KIF26B: variants seen among roughly 807,000 people sequenced by gnomAD.
KIF26B encodes the protein kinesin family member 26B.
In KIF26B, 63 loss-of-function variants were observed where a neutral mutation model predicts 151.2. That is an observed-to-expected ratio of 0.42 (90% CI 0.34 to 0.51). The LOEUF (loss-of-function observed/expected upper bound fraction) is 0.51, where lower values mean the gene tolerates loss of function less well. KIF26B is among the 20% of genes least tolerant of loss of function. KIF26B has a pLI of 0.07. For synonymous variants in KIF26B, 1,357 were observed against 1,262.1 expected, an observed-to-expected ratio of 1.08 and a Z score of -1.59; for missense variants, 2,813 against 2,913.6, an observed-to-expected ratio of 0.97 and a Z score of 0.79.
Position 245,293,405 on chromosome 1 carries a change from C to G in KIF26B, c.466-73429C>G, listed in dbSNP as rs117872029. 2.4e-3 allele frequency among the ~76,000 whole-genome samples: 370 copies of G among 152,034 alleles called. 5 individuals are homozygous for G. The East Asian group carries it at 0.048, about 20-fold the overall frequency. ...TCAGGTATGGGGAACAAATGACCAGCGTGGACTCTGCTCCTGACACAAATG... is the reference window on the plus strand; with the variant it reads ...TCAGGTATGGGGAACAAATGACCAGGGTGGACTCTGCTCCTGACACAAATG... On this transcript the variant is annotated intron_variant, in intron 2 of 14. Transcript: ENST00000407071.
intron 2 of KIF26B, among the ~76,000 whole-genome samples, chr1:245,322,550 A>C (rs1671910425): frequency 1.3e-5 from 2 of 152,220 alleles, no homozygotes; most frequent in Admixed American, 1.3e-4. Context: ...GGTTGATGGA[A>C]GAGACAGTAC....
Position 245,161,101 on chromosome 1 carries a change from GTCTT to G in KIF26B, c.465+4422_465+4425del, listed in dbSNP as rs1668523783. On this transcript the variant is annotated intron_variant, in intron 2 of 14. Coordinates refer to ENST00000407071, the MANE Select transcript of KIF26B (RefSeq NM_018012.4). ...GCTATTTTCAAAAAGCTTCATTTGAGTCTTTCTCATATCAGAAGTATTTTAGATA... is the reference window on the plus strand; with the variant it reads ...GCTATTTTCAAAAAGCTTCATTTGAGTCTCATATCAGAAGTATTTTAGATA... Among the ~76,000 whole-genome samples the G allele has an allele frequency of 3.3e-5, 5 of 152,274 alleles. No homozygotes were observed. In the South Asian group the frequency reaches 1.0e-3, roughly 32 times the overall value.
intron 4 of KIF26B, among the ~76,000 whole-genome samples, chr1:245,523,662 A>G (rs189824792): frequency 5.3e-5 from 8 of 152,314 alleles, no homozygotes; most frequent in African/African-American, 1.9e-4. Flanking sequence ...TCCTTTTTTA[A>G]GGGCACTAAT....
intron 2 of KIF26B, among the ~76,000 whole-genome samples, chr1:245,362,062 G>A (rs1323788871): frequency 1.3e-5 from 2 of 151,632 alleles, no homozygotes; most frequent in African/African-American, 2.4e-5. Context: ...CTGACCTTTC[G>A]CCATCAGCAA....
intron 10 of KIF26B, 89 bp downstream of exon 10, chr1:245,646,369 A>G: frequency 7.1e-7 from 1 of 1,409,710 alleles, no homozygotes; most frequent in Non-Finnish European, 9.7e-7. Flanking sequence ...GGTGTGCCAC[A>G]GAGGGACAGC....
intron 3 of KIF26B, among the ~76,000 whole-genome samples, chr1:245,374,121 A>G (rs1483096597): frequency 2.1e-5 from 2 of 95,138 alleles, no homozygotes; most frequent in Non-Finnish European, 4.2e-5. Context: ...ATATATATAT[A>G]TATATATATA....
chr1:245,309,347 C>G (rs146496884), intron 2 of KIF26B, among the ~76,000 whole-genome samples: 4 of 152,114 alleles, frequency 2.6e-5, no homozygotes, highest in African/African-American at 9.7e-5. Context: ...TCCAATCGGT[C>G]GAAGGCCTGA....
rs1668629598 is a variant in KIF26B, at chr1:245,167,180, A to G, written c.465+10497A>G. ...TCTTACGTGTAAACTTTCTTTTTAT[A>G]TAATTGTTTTTTTTTTTGCTTGAAA... On this transcript the variant is annotated intron_variant, in intron 2 of 14. Transcript: ENST00000407071. This position sits in a 1 kb window ranked among gnomAD's most constrained non-coding sequence, Gnocchi z 4.2. 6.6e-6 allele frequency among the ~76,000 whole-genome samples: 1 copy of G among 151,076 alleles called. No individual in the cohort carries two copies. Among genetic ancestry groups the G allele is most frequent in the Admixed American group, 6.6e-5 (1 of 15,252 alleles).
chr1:245,672,715 G>A (rs994189572), intron 10 of KIF26B, among the ~76,000 whole-genome samples: 3 of 151,990 alleles, frequency 2.0e-5, no homozygotes, highest in Admixed American at 6.6e-5. Context: ...TCTGGAGGCT[G>A]GAAGTAATCA....
rs577212041 is a variant in KIF26B at position 245,276,266 on chromosome 1, C to T, written c.466-90568C>T. The stretch of plus-strand genomic sequence containing the variant: ...AGGAGAATCACTTGAACTCGAGAGG[C>T]AGAGGTTGCAGTGAGTTGAGATTGC... On this transcript the variant is annotated intron_variant, in intron 2 of 14. Transcript: ENST00000407071. 7.9e-5 allele frequency among the ~76,000 whole-genome samples: 12 copies of T among 152,090 alleles called. No individual in the cohort carries two copies. In the South Asian group the frequency reaches 1.7e-3, roughly 21 times the overall value.
At chr1:245,302,766 G>T (rs560389570) in intron 2 of KIF26B, among the ~76,000 whole-genome samples, 53 of 152,148 alleles carry the variant, frequency 3.5e-4, no homozygotes, top group African/African-American at 1.1e-3. Flanking sequence ...CAAGGTGGGC[G>T]GACCAAGAGG....
intron 4 of KIF26B, among the ~76,000 whole-genome samples, chr1:245,430,062 G>T (rs1007326731): frequency 2.6e-5 from 4 of 152,228 alleles, no homozygotes; most frequent in Admixed American, 2.0e-4. Context: ...GAATTGTCGT[G>T]ATACTCACAG....
chr1:245,596,400 C>T (rs1328460456), intron 5 of KIF26B, among the ~76,000 whole-genome samples: 1 of 152,154 alleles, frequency 6.6e-6, no homozygotes, highest in African/African-American at 2.4e-5. Flanking sequence ...TTATTTCTGC[C>T]TTCATTTCAT....
intron 2 of KIF26B, among the ~76,000 whole-genome samples, chr1:245,280,801 G>A (rs1257972104): frequency 8.9e-6 from 1 of 112,446 alleles, no homozygotes; most frequent in Non-Finnish European, 1.7e-5. Context: ...TCCCCTTCCT[G>A]TGTCCATGTG....
intron 4 of KIF26B, among the ~76,000 whole-genome samples, chr1:245,507,462 C>T (rs957371595): frequency 1.3e-5 from 2 of 152,186 alleles, no homozygotes; most frequent in African/African-American, 4.8e-5. Flanking sequence ...GATGGCTGGG[C>T]CTTTATACCC....
At chr1:245,160,649 T>C (rs1668516315) in intron 2 of KIF26B, among the ~76,000 whole-genome samples, 1 of 150,070 alleles carries the variant, frequency 6.7e-6, no homozygotes. Context: ...AGAAAATCTT[T>C]TATGTAAAAA....
intron 5 of KIF26B, among the ~76,000 whole-genome samples, chr1:245,584,339 T>G (rs1385393544): frequency 6.8e-6 from 1 of 147,454 alleles, no homozygotes; most frequent in Non-Finnish European, 1.5e-5. Flanking sequence ...CTTTTCTTTA[T>G]AAATACCCAG....
At chr1:245,287,712 A>G (rs11585163) in intron 2 of KIF26B, among the ~76,000 whole-genome samples, 6,417 of 152,090 alleles carry the variant, frequency 0.042, 171 homozygotes, top group African/African-American at 0.066. Context: ...CATATTGATC[A>G]GGCTGGTCTC....
intron 10 of KIF26B, among the ~76,000 whole-genome samples, chr1:245,671,959 T>G (rs2044292457): frequency 6.6e-6 from 1 of 152,146 alleles, no homozygotes; most frequent in African/African-American, 2.4e-5. Flanking sequence ...GAAGGCACCT[T>G]CATCCTCCTC....
Sources: allele counts gnomAD v4.1 joint callset (sites outside exome capture counted in the v4.1 genomes callset), GRCh38; gene constraint gnomAD v4.1.1; non-coding constraint Gnocchi (gnomAD v3.1); transcripts MANE v1.5; gene names NCBI Gene and HGNC (gene_info 2026-07-23, HGNC 2026-07-21).